The following ZNF385D variants were observed in gnomAD, a reference collection of about 807,000 sequenced individuals.
ZNF385D encodes the protein zinc finger protein 385D.
Under a neutral mutation model 35.8 loss-of-function variants are expected in ZNF385D, and 15 were observed. The observed-to-expected ratio is 0.42, with a 90% CI of 0.28 to 0.64. ZNF385D has a LOEUF of 0.64. ZNF385D is among the 30% of genes least tolerant of loss of function. The pLI is 0.23. For missense variants in ZNF385D, 474 were observed against 494.6 expected, an observed-to-expected ratio of 0.96 and a Z score of 0.39; for synonymous variants, 212 against 186.8, an observed-to-expected ratio of 1.13 and a Z score of -1.10.
intron 3 of ZNF385D, among the ~76,000 whole-genome samples, chr3:21,974,213 C>T (rs564584698): frequency 7.2e-5 from 11 of 152,054 alleles, no homozygotes; most frequent in Admixed American, 3.9e-4. Context: ...ATGGTACTGG[C>T]ATATAAACAG....
intron 4 of ZNF385D, among the ~76,000 whole-genome samples, chr3:21,476,242 AT>A (rs2125360956): frequency 1.3e-5 from 2 of 152,252 alleles, no homozygotes; most frequent in East Asian, 3.9e-4. Flanking sequence ...CTCAGTCTGG[AT>A]TTAAGCATTG....
chr3:22,108,289 A>C (rs1702329201), intron 3 of ZNF385D, among the ~76,000 whole-genome samples: 1 of 152,106 alleles, frequency 6.6e-6, no homozygotes, highest in Admixed American at 6.6e-5. Flanking sequence ...TTTGGTCAGA[A>C]CATCTGTCGA....
At chr3:21,623,689 A>G (rs947120515) in intron 2 of ZNF385D, among the ~76,000 whole-genome samples, 2 of 152,074 alleles carry the variant, frequency 1.3e-5, no homozygotes, top group African/African-American at 4.8e-5. Context: ...ACAAAAAACC[A>G]CAATGTCTTT....
chr3:22,324,668 A>C (rs960203852), intron 2 of ZNF385D, among the ~76,000 whole-genome samples: 14 of 152,198 alleles, frequency 9.2e-5, no homozygotes, highest in African/African-American at 3.4e-4. Flanking sequence ...CAGTATTTTA[A>C]AATAAAATTT....
chr3:22,141,038 T>C (rs1704472655), intron 3 of ZNF385D, among the ~76,000 whole-genome samples: 1 of 152,216 alleles, frequency 6.6e-6, no homozygotes. Context: ...GAGCAATTTA[T>C]AGTACAACAA....
intron 2 of ZNF385D, among the ~76,000 whole-genome samples, chr3:22,338,445 C>CT (rs1695269784): frequency 6.6e-6 from 1 of 150,984 alleles, no homozygotes. Context: ...GTAGATTGCC[C>CT]TTTTTTTGGA....
chr3:22,122,324 A>G lies in ZNF385D; in HGVS notation c.325+46493T>C, dbSNP rs116031537. On this transcript the variant is annotated intron_variant, in intron 3 of 5. Coordinates refer to the ZNF385D transcript ENST00000494108. Reference sequence around the variant, plus strand: ...AGGGTTTCCATTTTTACCCTAAAAAATTGTTTTTTTTCCACTGTAATTGAT... The same window carrying G: ...AGGGTTTCCATTTTTACCCTAAAAAGTTGTTTTTTTTCCACTGTAATTGAT... Among the ~76,000 whole-genome samples, 1,273 of 152,182 alleles carry G rather than the reference A, an allele frequency of 8.4e-3. 12 individuals carry two copies. The highest frequency in any genetic ancestry group is 0.022 in the African/African-American group (916 of 41,532).
intron 3 of ZNF385D, among the ~76,000 whole-genome samples, chr3:21,553,125 C>G (rs756775180): frequency 4.6e-5 from 7 of 152,114 alleles, no homozygotes; most frequent in Non-Finnish European, 8.8e-5. Context: ...ACTGGATTCT[C>G]CCCTGGAACC....
At chr3:21,827,935 T>C (rs769477373) in intron 3 of ZNF385D, among the ~76,000 whole-genome samples, 1 of 152,170 alleles carries the variant, frequency 6.6e-6, no homozygotes, top group Non-Finnish European at 1.5e-5. Flanking sequence ...GAGCAATTAA[T>C]CTTCAACTAG....
chr3:22,263,317 G>T (rs921857073), intron 2 of ZNF385D, among the ~76,000 whole-genome samples: 2 of 151,946 alleles, frequency 1.3e-5, no homozygotes, highest in Non-Finnish European at 2.9e-5. Flanking sequence ...TCCACTTGGG[G>T]ACTTTCCAAC....
At chr3:22,297,513 G>T (rs1702654611) in intron 2 of ZNF385D, among the ~76,000 whole-genome samples, 1 of 152,094 alleles carries the variant, frequency 6.6e-6, no homozygotes, top group South Asian at 2.1e-4. Context: ...AGAGAAGGGG[G>T]CATGGCTGAA....
intron 3 of ZNF385D, among the ~76,000 whole-genome samples, chr3:22,082,055 G>A (rs542129238): frequency 1.4e-4 from 20 of 146,766 alleles, no homozygotes; most frequent in African/African-American, 3.8e-4. Flanking sequence ...AAATGACTTC[G>A]AACTGCAGTG....
intron 1 of ZNF385D, among the ~76,000 whole-genome samples, chr3:21,738,734 G>A (rs1183764088): frequency 6.6e-6 from 1 of 152,058 alleles, no homozygotes; most frequent in Admixed American, 6.5e-5. Context: ...CCTTTCAGAA[G>A]GCTTTAACTA....
At chr3:21,723,621 A>T (rs1189553079) in intron 1 of ZNF385D, among the ~76,000 whole-genome samples, 1 of 152,202 alleles carries the variant, frequency 6.6e-6, no homozygotes, top group Non-Finnish European at 1.5e-5. Flanking sequence ...GAAGGAATGA[A>T]CAAAGCCTCC....
At chr3:22,084,201 CATA>C (rs1243512881) in intron 3 of ZNF385D, among the ~76,000 whole-genome samples, 1 of 152,148 alleles carries the variant, frequency 6.6e-6, no homozygotes, top group Non-Finnish European at 1.5e-5. Flanking sequence ...CAGCTAACAT[CATA>C]ATGACAGGAT....
intron 3 of ZNF385D, among the ~76,000 whole-genome samples, chr3:21,764,245 G>T (rs191385602): frequency 6.6e-6 from 1 of 152,262 alleles, no homozygotes; most frequent in African/African-American, 2.4e-5. Flanking sequence ...AGAGCTAGAA[G>T]ATGCTCAATA....
At chr3:21,864,323 G>C (rs1376442425) in intron 3 of ZNF385D, among the ~76,000 whole-genome samples, 4 of 152,074 alleles carry the variant, frequency 2.6e-5, no homozygotes, top group African/African-American at 4.8e-5. Context: ...ACGGTAAAAA[G>C]GGAATGCAGC....
intron 2 of ZNF385D, among the ~76,000 whole-genome samples, chr3:22,279,640 TA>T (rs1701635278): frequency 1.2e-5 from 1 of 80,624 alleles, no homozygotes; most frequent in African/African-American, 1.5e-4. Flanking sequence ...GTGTATATTT[TA>T]TATATATATA....
At chr3:22,235,112 A>T (rs1327342895) in intron 2 of ZNF385D, among the ~76,000 whole-genome samples, 5 of 151,990 alleles carry the variant, frequency 3.3e-5, no homozygotes, top group Non-Finnish European at 7.4e-5. Context: ...TATTAAGGAA[A>T]ATATGTATGT....
Sources: gnomAD v4.1 joint callset for allele counts (sites outside exome capture counted in the v4.1 genomes callset) on GRCh38, gnomAD v4.1.1 for gene constraint, MANE v1.5 for transcripts, NCBI Gene and HGNC (gene_info 2026-07-23, HGNC 2026-07-21) for gene names.